Variants in CSMD1 observed in about 807,000 individuals in gnomAD.
CSMD1 encodes CUB and Sushi multiple domains 1.
Under a neutral mutation model 417.5 loss-of-function variants are expected in CSMD1, and 213 were observed. That is an observed-to-expected ratio of 0.51 (90% CI 0.46 to 0.57). The LOEUF (loss-of-function observed/expected upper bound fraction) is 0.57. Ranked by LOEUF, CSMD1 falls within the 20% of genes least tolerant of loss-of-function variation. The probability of loss-of-function intolerance (pLI) is 0.00; values close to 1 mark genes in which losing one functional copy is unlikely to be tolerated. For synonymous variants in CSMD1, 2,862 were observed against 1,736.8 expected (o/e 1.65, Z -16.11); for missense variants, 6,923 against 4,529.7 (o/e 1.53, Z -15.17).
At chr8:4,520,342 T>C (rs1439543332) in intron 2 of CSMD1, among the ~76,000 whole-genome samples, 1 of 152,168 alleles carries the variant, frequency 6.6e-6, no homozygotes, top group East Asian at 1.9e-4. Context: ...AGTCAATGAA[T>C]TTGGTATTAC....
At chr8:3,821,704 C>G (rs1187574503) in intron 5 of CSMD1, among the ~76,000 whole-genome samples, 2 of 152,172 alleles carry the variant, frequency 1.3e-5, no homozygotes, top group African/African-American at 4.8e-5. Flanking sequence ...ACTGCTTGAA[C>G]CCAGGAGCGG....
At chr8:4,217,148 C>A (rs1700068) in intron 3 of CSMD1, among the ~76,000 whole-genome samples, 1 of 151,894 alleles carries the variant, frequency 6.6e-6, no homozygotes, top group Non-Finnish European at 1.5e-5. Context: ...GTAGAAAAGC[C>A]CAGAAATAAC....
intron 23 of CSMD1, among the ~76,000 whole-genome samples, chr8:3,335,927 A>C (rs978823714): frequency 1.5e-4 from 23 of 152,156 alleles, no homozygotes; most frequent in African/African-American, 5.6e-4. Context: ...TCTGTTCTCA[A>C]AAGTCTGGCC....
chr8:4,285,556 G>A (rs1042885778), intron 3 of CSMD1, among the ~76,000 whole-genome samples: 1 of 152,192 alleles, frequency 6.6e-6, no homozygotes, highest in Non-Finnish European at 1.5e-5. Flanking sequence ...CCATGGATGA[G>A]GGCAGGTTTC....
chr8:3,631,911 C>T (rs1359754418), intron 7 of CSMD1, among the ~76,000 whole-genome samples: 1 of 152,162 alleles, frequency 6.6e-6, no homozygotes, highest in East Asian at 1.9e-4. Context: ...ACTGACGAAG[C>T]AAAACCCCCC....
chr8:3,986,071 T>C (rs1036650363), intron 5 of CSMD1, among the ~76,000 whole-genome samples: 4 of 151,994 alleles, frequency 2.6e-5, no homozygotes, highest in African/African-American at 9.7e-5. Flanking sequence ...GAAGACCCCA[T>C]CCAAAAATCA....
At chr8:4,507,945 G>T (rs529652029) in intron 2 of CSMD1, among the ~76,000 whole-genome samples, 1 of 152,198 alleles carries the variant, frequency 6.6e-6, no homozygotes, top group South Asian at 2.1e-4. Flanking sequence ...AGTATCAGCA[G>T]GAGGGGACCC....
At chr8:4,348,734 G>T (rs1800920863) in intron 3 of CSMD1, among the ~76,000 whole-genome samples, 1 of 152,122 alleles carries the variant, frequency 6.6e-6, no homozygotes, top group East Asian at 1.9e-4. Context: ...TTCGTCTTTA[G>T]GAAGACCGTG....
At chr8:3,125,981 A>G (rs1389033227) in intron 41 of CSMD1, among the ~76,000 whole-genome samples, 1 of 152,206 alleles carries the variant, frequency 6.6e-6, no homozygotes, top group Non-Finnish European at 1.5e-5. Flanking sequence ...CACCTCAAAA[A>G]AAGAAAAAAG....
intron 7 of CSMD1, among the ~76,000 whole-genome samples, chr8:3,635,674 G>A (rs1242072667): frequency 1.3e-5 from 2 of 150,252 alleles, no homozygotes; most frequent in African/African-American, 4.9e-5. Flanking sequence ...TAGTAGAGAC[G>A]GGGATTCACT....
intron 25 of CSMD1, among the ~76,000 whole-genome samples, chr8:3,307,095 GCTTCTCT>G (rs1471557507): frequency 1.3e-5 from 2 of 152,100 alleles, no homozygotes; most frequent in Non-Finnish European, 1.5e-5. Context: ...ATATGACTTT[GCTTCTCT>G]TCCTATTAAA....
intron 1 of CSMD1, among the ~76,000 whole-genome samples, chr8:4,738,141 G>T (rs999016428): frequency 1.3e-5 from 2 of 152,142 alleles, no homozygotes; most frequent in African/African-American, 4.8e-5. Context: ...GTCTCAAACA[G>T]AATTAAACAG....
intron 25 of CSMD1, among the ~76,000 whole-genome samples, chr8:3,306,705 G>A (rs774199464): frequency 2.0e-5 from 3 of 152,100 alleles, no homozygotes; most frequent in Non-Finnish European, 4.4e-5. Flanking sequence ...AAAAAGGATT[G>A]GTTAGGACTG....
intron 3 of CSMD1, among the ~76,000 whole-genome samples, chr8:4,230,269 A>C (rs1325273050): frequency 2.0e-5 from 3 of 152,182 alleles, no homozygotes; most frequent in Admixed American, 1.3e-4. Flanking sequence ...TGAGTATCTT[A>C]TATTCTAGAT....
chr8:3,479,480 G>T (rs1156350205), intron 11 of CSMD1, among the ~76,000 whole-genome samples: 1 of 152,014 alleles, frequency 6.6e-6, no homozygotes, highest in Non-Finnish European at 1.5e-5. Flanking sequence ...GGGTTTCTCC[G>T]TATTGGTCAT....
chr8:3,079,866 A>C (rs35010106), intron 49 of CSMD1, among the ~76,000 whole-genome samples: 4,764 of 152,110 alleles, frequency 0.031, 101 homozygotes, highest in African/African-American at 0.063. Context: ...GATTGAAGAG[A>C]TACACACAGA....
intron 1 of CSMD1, among the ~76,000 whole-genome samples, chr8:4,953,023 T>G (rs1808854762): frequency 6.6e-6 from 1 of 151,866 alleles, no homozygotes; most frequent in Admixed American, 6.6e-5. Flanking sequence ...TTTCCACATG[T>G]GAGATGAGAG....
intron 23 of CSMD1, among the ~76,000 whole-genome samples, chr8:3,312,665 C>G (rs896120359): frequency 6.6e-6 from 1 of 152,132 alleles, no homozygotes; most frequent in South Asian, 2.1e-4. Flanking sequence ...AGAAACATCC[C>G]TAGAAATCTG....
intron 1 of CSMD1, chr8:4,788,063 G>A (rs976334053): frequency 4.9e-5 from 78 of 1,596,056 alleles, no homozygotes; most frequent in Non-Finnish European, 6.2e-5. Context: ...ACTTTGAGTG[G>A]GTTGCAGAGA....
Sources: gnomAD v4.1 joint callset for allele counts (sites outside exome capture counted in the v4.1 genomes callset) on GRCh38, gnomAD v4.1.1 for gene constraint, MANE v1.5 for transcripts, NCBI Gene and HGNC (gene_info 2026-07-23, HGNC 2026-07-21) for gene names.